The following FLT4 variants were observed in gnomAD, a reference collection of about 807,000 sequenced individuals.
The protein encoded by FLT4 is fms related receptor tyrosine kinase 4.
FLT4 carries 30 observed loss-of-function variants against 163.2 expected under a neutral mutation model. That is an observed-to-expected ratio of 0.18 (90% CI 0.14 to 0.25). The LOEUF (loss-of-function observed/expected upper bound fraction) is 0.25, where lower values mean the gene tolerates loss of function less well. Ranked by LOEUF, FLT4 falls within the 10% of genes least tolerant of loss-of-function variation. The pLI is 1.00. For synonymous variants in FLT4, 884 were observed against 789.5 expected, an observed-to-expected ratio of 1.12 and a Z score of -2.01; for missense variants, 1,510 against 1,863.8, an observed-to-expected ratio of 0.81 and a Z score of 3.50.
At position 180,623,395 on chromosome 5, in the gene FLT4, G is replaced by A. The variant is rs1763323286; in HGVS notation, c.1548+540C>T. On this transcript the variant is annotated intron_variant, in intron 11 of 29. Transcript: ENST00000261937. This position sits in a 1 kb window ranked among gnomAD's most constrained non-coding sequence, Gnocchi z 5.8. ...AGTAGGAAGCCTGAGACACAGGGGA[G>A]GAGAGAGGGCCACAGGCCCTGCCTA... Among the ~76,000 whole-genome samples the A allele has an allele frequency of 6.6e-6, 1 of 152,138 alleles. No homozygotes were observed. The highest frequency in any genetic ancestry group is 6.5e-5 in the Admixed American group (1 of 15,284).
In FLT4 at chr5:180,624,171, C is replaced by T. The variant is rs900426844; in HGVS notation, c.1422-110G>A. ...ATCCAGTCACCTTCTCATATGGGGT[C>T]GTGGGCGAGGCTGGCCCTCGGGCCT... On this transcript the variant is annotated intron_variant, in intron 10 of 29. Coordinates refer to ENST00000261937, the MANE Select transcript of FLT4 (RefSeq NM_182925.5). The T allele has an allele frequency of 5.3e-5, 69 of 1,307,046 alleles. No individual in the cohort carries two copies. The East Asian group carries it at 9.4e-4, about 18-fold the overall frequency. 81.0% of individuals were successfully genotyped at this position (1,307,046 alleles called of 1,614,324 possible).
intron 2 of FLT4, 104 bp downstream of exon 2, chr5:180,631,578 G>C: frequency 1.1e-6 from 1 of 938,346 alleles, no homozygotes; most frequent in Non-Finnish European, 1.7e-6. Context: ...ACTCTGCCCT[G>C]ACTCTGCCCT....
At chr5:180,603,992 G>A (rs1232400286) in intron 29 of FLT4, among the ~76,000 whole-genome samples, 1 of 152,024 alleles carries the variant, frequency 6.6e-6, no homozygotes, top group Non-Finnish European at 1.5e-5. Flanking sequence ...GTGACAAAGT[G>A]AGACCCTGTC....
rs1761969527 is a variant in FLT4 at position 180,609,003 on chromosome 5, C to T, written c.3858G>A (p.Gln1286=). 1 of 1,614,220 alleles carries T rather than the reference C, an allele frequency of 6.2e-7. No homozygotes were observed. Among genetic ancestry groups the T allele is most frequent in the Non-Finnish European group, 8.5e-7 (1 of 1,180,030 alleles). The change falls in exon 29 of 30, where the codon CAG becomes CAA. Residue 1286 remains glutamine (Q), a synonymous_variant. Coordinates refer to ENST00000261937, the MANE Select transcript of FLT4 (RefSeq NM_182925.5). ...GMVLASEEFE[Q]IESRHRQESG... ...TTTCTTGTCTATGCCTGCTCTCTAT[C>T]TGCTCAAACTCCTCCGAGGCCAGCA... is the stretch of plus-strand genomic sequence containing the variant.
intron 29 of FLT4, among the ~76,000 whole-genome samples, chr5:180,604,285 G>A (rs762019481): frequency 1.3e-5 from 2 of 152,182 alleles, no homozygotes; most frequent in South Asian, 4.2e-4. Flanking sequence ...CCCCTCAGCC[G>A]CTCAAGCCAA....
rs200752721 is a variant in FLT4 at position 180,630,127 on chromosome 5, C to A, written c.514-22G>T. ...TTTGCTGGAGGGACAAGGCCACCAT[C>A]ATTGCCCAGCTGCCCCTTGCTCCTG... On this transcript the variant is annotated intron_variant, in intron 4 of 29. Transcript: ENST00000261937. This position sits in a 1 kb window ranked among gnomAD's most constrained non-coding sequence, Gnocchi z 6.3. 6.2e-5 allele frequency: 100 copies of A among 1,612,302 alleles called. No homozygotes were observed. Among genetic ancestry groups the A allele is most frequent in the Non-Finnish European group, 8.2e-5 (97 of 1,179,834 alleles).
intron 8 of FLT4, among the ~76,000 whole-genome samples, chr5:180,627,620 C>T (rs528825585): frequency 2.0e-5 from 3 of 152,280 alleles, no homozygotes; most frequent in Non-Finnish European, 4.4e-5. Flanking sequence ...GTGGGCACCA[C>T]AGGAAGGGTG....
At chr5:180,634,474 G>A (rs570331794) in intron 1 of FLT4, among the ~76,000 whole-genome samples, 9 of 152,188 alleles carry the variant, frequency 5.9e-5, no homozygotes, top group Non-Finnish European at 7.4e-5. Context: ...AGGCTGAGGC[G>A]GGTGGGTCAC....
At chr5:180,614,909 G>T (rs1404320602) in intron 23 of FLT4, among the ~76,000 whole-genome samples, 1 of 151,958 alleles carries the variant, frequency 6.6e-6, no homozygotes, top group African/African-American at 2.4e-5. Flanking sequence ...ACCCTGACCC[G>T]CCTTGGAGGC....
chr5:180,632,277 C>T lies in FLT4; in HGVS notation c.59-499G>A, dbSNP rs558656723. ...CCTGCCTGCTCTCTGCCAGGGGCCT[C>T]GCCCCCTCCTGCCTGCTCTCTGCCA... On this transcript the variant is annotated intron_variant, in intron 1 of 29. Coordinates refer to ENST00000261937, the MANE Select transcript of FLT4 (RefSeq NM_182925.5). Among the ~76,000 whole-genome samples the T allele has an allele frequency of 7.2e-5, 11 of 152,274 alleles. No individual in the cohort carries two copies. The East Asian group carries it at 1.9e-3, about 27-fold the overall frequency.
At chr5:180,632,236 G>A (rs979267100) in intron 1 of FLT4, among the ~76,000 whole-genome samples, 4 of 138,288 alleles carry the variant, frequency 2.9e-5, no homozygotes, top group African/African-American at 4.9e-5. Flanking sequence ...CCCGAACCAC[G>A]CAGGCCTCGC....
In FLT4 at chr5:180,625,775, C is replaced by A. The variant is rs1178530044; in HGVS notation, c.1421+94G>T. ...GCCCTGAGAAGGGGTACAGGGAAGA[C>A]CTGGGCAGTGAGGGGTGCTGTAAAG... On this transcript the variant is annotated intron_variant, in intron 10 of 29. Coordinates refer to ENST00000261937, the MANE Select transcript of FLT4 (RefSeq NM_182925.5). 7.6e-6 allele frequency: 9 copies of A among 1,179,652 alleles called. No homozygotes were observed. The African/African-American group carries it at 1.3e-4, about 18-fold the overall frequency. 73.1% of individuals were successfully genotyped at this position (1,179,652 alleles called of 1,614,324 possible).
In FLT4 at chr5:180,609,072, C is replaced by A. The variant is rs751046359; in HGVS notation, c.3808-19G>T. The A allele has an allele frequency of 1.2e-6, 2 of 1,611,574 alleles. No homozygotes were observed. Among genetic ancestry groups the A allele is most frequent in the Admixed American group, 1.7e-5 (1 of 60,014 alleles). The stretch of plus-strand genomic sequence containing the variant: ...GGTTGTCCTGTGTGGAGAGGACAAG[C>A]CAGGCTGTGGGTCCCGCCTGAGGCC... On this transcript the variant is annotated intron_variant, in intron 28 of 29. Transcript: ENST00000261937.
At chr5:180,614,664 C>G (rs1762497222) in intron 23 of FLT4, among the ~76,000 whole-genome samples, 1 of 151,978 alleles carries the variant, frequency 6.6e-6, no homozygotes, top group South Asian at 2.1e-4. Flanking sequence ...CTCTCATGGT[C>G]TCTACCTGGG....
At chr5:180,609,647 C>T (rs1371370092) in intron 28 of FLT4, 19 of 469,834 alleles carry the variant, frequency 4.0e-5, no homozygotes, top group Non-Finnish European at 6.7e-5. Context: ...GAGGAGGAGC[C>T]GTCCTTCCAC....
In FLT4 at chr5:180,630,174, C is replaced by A. The variant is rs1237792568; in HGVS notation, c.513+51G>T. The A allele has an allele frequency of 1.2e-6, 2 of 1,610,556 alleles. No homozygotes were observed. ...CCTGGCCAGACAGGCGGCCGCCTTTCCCAGGGGTGGGATGGGAGGGTCGGA... is the reference window on the plus strand; with the variant it reads ...CCTGGCCAGACAGGCGGCCGCCTTTACCAGGGGTGGGATGGGAGGGTCGGA... On this transcript the variant is annotated intron_variant, in intron 4 of 29. Coordinates refer to ENST00000261937, the MANE Select transcript of FLT4 (RefSeq NM_182925.5). This position sits in a 1 kb window ranked among gnomAD's most constrained non-coding sequence, Gnocchi z 6.3.
In FLT4 at chr5:180,622,785, C is replaced by T. The variant is rs752151539; in HGVS notation, c.1603G>A (p.Val535Met). 1.1e-5 allele frequency: 17 copies of T among 1,613,584 alleles called. No individual in the cohort carries two copies. Among genetic ancestry groups the T allele is most frequent in the Admixed American group, 3.3e-5 (2 of 59,998 alleles). ...TCCTGGCCCACCTTGTTGGAGACCA[C>T]ACACTTGTACATGGCAGACACGTTG... ...NANVSAMYKCVVSNKVGQDER... is the reference protein window; with the variant it reads ...NANVSAMYKCMVSNKVGQDER... Residue 535 changes from valine to methionine, a missense_variant, in exon 12 of 30, where the codon GTG (valine) becomes ATG (methionine). By Grantham distance (21) the Val-to-Met change is conservative (BLOSUM62 1). Coordinates refer to ENST00000261937, the MANE Select transcript of FLT4 (RefSeq NM_182925.5).
Position 180,649,533 on chromosome 5 carries a change from C to T in FLT4, c.13G>A (p.Ala5Thr). Reference sequence around the variant, plus strand: ...AGCCACAGTCGCAGGCACAGCGCGGCGCCCCGCTGCATCTCCGGCCGCTGC... The same window carrying T: ...AGCCACAGTCGCAGGCACAGCGCGGTGCCCCGCTGCATCTCCGGCCGCTGC... MQRGAALCLRLWLCL... is the reference protein window; with the variant it reads MQRGTALCLRLWLCL... The change falls in exon 1 of 30, where the codon GCC (alanine) becomes ACC (threonine). Residue 5 changes from alanine (A) to threonine (T), a missense_variant. Physicochemically the swap from Ala to Thr is moderately conservative, Grantham distance 58. Around this residue, in one of 5 missense-constraint regions of FLT4, gnomAD observed 157 missense variants for 178.7 expected, o/e 0.88. Transcript: ENST00000261937. 2 of 1,439,464 alleles carry T rather than the reference C, an allele frequency of 1.4e-6. No individual in the cohort carries two copies. Among genetic ancestry groups the T allele is most frequent in the Non-Finnish European group, 1.8e-6 (2 of 1,096,260 alleles). 89.2% of individuals were successfully genotyped at this position (1,439,464 alleles called of 1,614,324 possible).
At chr5:180,611,833 A>G (rs1211923844) in intron 26 of FLT4, 2 of 382,622 alleles carry the variant, frequency 5.2e-6, no homozygotes, top group East Asian at 1.1e-4. Flanking sequence ...TTCTCCCAAC[A>G]GCCCTTCCAG....
Sources: allele counts gnomAD v4.1 joint callset (sites outside exome capture counted in the v4.1 genomes callset), GRCh38; gene constraint gnomAD v4.1.1; regional missense constraint gnomAD v4.1.1; non-coding constraint Gnocchi (gnomAD v3.1); transcripts MANE v1.5; gene names NCBI Gene and HGNC (gene_info 2026-07-23, HGNC 2026-07-21).